Variants in CEP70 observed in about 807,000 individuals in gnomAD.
The protein encoded by CEP70 is centrosomal protein 70, also known as centrosomal protein of 70 kDa.
Under a neutral mutation model 90.9 loss-of-function variants are expected in CEP70, and 70 were observed. That is an observed-to-expected ratio of 0.77 (90% CI 0.64 to 0.94). The LOEUF is 0.94. CEP70 is among the 40% of genes least tolerant of loss of function. CEP70 has a pLI of 0.00. For synonymous variants in CEP70, 220 were observed against 228.3 expected, an observed-to-expected ratio of 0.96 and a Z score of 0.33; for missense variants, 648 against 669.0, an observed-to-expected ratio of 0.97 and a Z score of 0.35.
intron 6 of CEP70, among the ~76,000 whole-genome samples, chr3:138,558,756 C>T (rs2040199107): frequency 6.6e-6 from 1 of 152,174 alleles, no homozygotes; most frequent in African/African-American, 2.4e-5. Flanking sequence ...TAGATCTCAA[C>T]TTATTTCTAC....
intron 6 of CEP70, among the ~76,000 whole-genome samples, chr3:138,567,275 T>C (rs2040858466): frequency 6.6e-6 from 1 of 152,204 alleles, no homozygotes; most frequent in Non-Finnish European, 1.5e-5. Flanking sequence ...TAAACCATTC[T>C]AAAATTGGAA....
intron 11 of CEP70, among the ~76,000 whole-genome samples, chr3:138,518,867 G>C (rs1432805743): frequency 6.6e-6 from 1 of 152,108 alleles, no homozygotes; most frequent in East Asian, 1.9e-4. Context: ...GAAGACTTCA[G>C]AAGATCAAAC....
intron 6 of CEP70, among the ~76,000 whole-genome samples, chr3:138,541,038 T>C (rs1247973032): frequency 6.6e-6 from 1 of 152,092 alleles, no homozygotes; most frequent in African/African-American, 2.4e-5. Context: ...GGGAGCTAAA[T>C]GATGAGAACT....
At chr3:138,572,057 C>T (rs183131827) in intron 3 of CEP70, among the ~76,000 whole-genome samples, 2 of 102,696 alleles carry the variant, frequency 1.9e-5, no homozygotes, top group East Asian at 1.0e-3. Context: ...AGATTACAGG[C>T]GTGAGCCACC....
chr3:138,547,293 A>G (rs2039284566), intron 6 of CEP70, among the ~76,000 whole-genome samples: 1 of 152,192 alleles, frequency 6.6e-6, no homozygotes, highest in South Asian at 2.1e-4. Context: ...ACATTCCAGG[A>G]TCCTCAGTGG....
chr3:138,531,917 T>G (rs544569643), intron 8 of CEP70, among the ~76,000 whole-genome samples: 1 of 152,272 alleles, frequency 6.6e-6, no homozygotes, highest in African/African-American at 2.4e-5. Context: ...CAAATAAATA[T>G]TTGTTAAAAG....
chr3:138,556,692 G>A (rs982537491), intron 6 of CEP70, among the ~76,000 whole-genome samples: 3 of 151,998 alleles, frequency 2.0e-5, no homozygotes, highest in African/African-American at 7.3e-5. Context: ...ACATCACGTC[G>A]GTAGGTTCCG....
intron 11 of CEP70, among the ~76,000 whole-genome samples, chr3:138,522,272 G>A: frequency 7.1e-6 from 1 of 140,620 alleles, no homozygotes; most frequent in Non-Finnish European, 1.5e-5. Flanking sequence ...ACCCAAGAAT[G>A]ATCAATAAAT....
rs778739424 is a variant in CEP70 at position 138,494,987 on chromosome 3, T to C, written c.*28A>G. ...AATACAAAATGTTAAGAATACAATT[T>C]ACACAGTAAAAATGATTTGATTTGT... On this transcript the variant is annotated 3_prime_UTR_variant, in exon 18 of 18. Coordinates refer to ENST00000264982, the MANE Select transcript of CEP70 (RefSeq NM_024491.4). 1.7e-6 allele frequency: 2 copies of C among 1,187,908 alleles called. No homozygotes were observed. The highest frequency in any genetic ancestry group is 2.5e-6 in the Non-Finnish European group (2 of 806,730). 73.6% of individuals were successfully genotyped at this position (1,187,908 alleles called of 1,614,324 possible). A position where few individuals can be genotyped will look rare whatever the true frequency, so the allele number is the denominator to read the frequency against.
chr3:138,497,558 GTA>G, intron 17 of CEP70: 1 of 959,946 alleles, frequency 1.0e-6, no homozygotes, highest in Non-Finnish European at 1.2e-6. Context: ...CTGACCCTCA[GTA>G]TAAGTGTAAT....
chr3:138,498,628 C>T (rs1372963206), intron 16 of CEP70, among the ~76,000 whole-genome samples: 2 of 151,984 alleles, frequency 1.3e-5, no homozygotes, highest in Non-Finnish European at 2.9e-5. Context: ...GCTACCACGC[C>T]CAGCCAATAT....
intron 6 of CEP70, among the ~76,000 whole-genome samples, chr3:138,566,405 G>A (rs1225056566): frequency 1.3e-5 from 2 of 152,158 alleles, no homozygotes; most frequent in Non-Finnish European, 1.5e-5. Flanking sequence ...ATTCATGACA[G>A]CAAAAACTTG....
At chr3:138,530,527 A>T (rs930034945) in intron 8 of CEP70, 1 of 952,830 alleles carries the variant, frequency 1.0e-6, no homozygotes, top group African/African-American at 1.8e-5. Flanking sequence ...ACAACAAAAA[A>T]CTTCGGACAA....
intron 2 of CEP70, among the ~76,000 whole-genome samples, chr3:138,587,620 C>CAAAAAA (rs5852917): frequency 7.3e-6 from 1 of 137,428 alleles, no homozygotes; most frequent in Non-Finnish European, 1.5e-5. Context: ...CCCATCTCTA[C>CAAAAAA]AAAAAAAAGA....
At chr3:138,553,231 G>C (rs2039749873) in intron 6 of CEP70, among the ~76,000 whole-genome samples, 2 of 152,014 alleles carry the variant, frequency 1.3e-5, no homozygotes, top group African/African-American at 4.8e-5. Flanking sequence ...TGTAATCCTA[G>C]CACTTTGGGA....
At chr3:138,537,407 A>T in intron 6 of CEP70, 60 bp from the exon 7 acceptor site, 1 of 1,162,754 alleles carries the variant, frequency 8.6e-7, no homozygotes, top group Non-Finnish European at 1.2e-6. Flanking sequence ...TGCTATCCTA[A>T]CAGTATTGTA....
In CEP70 at chr3:138,503,510, A is replaced by G. The variant is rs76568535; in HGVS notation, c.1221+1785T>C. Among the ~76,000 whole-genome samples the G allele has an allele frequency of 5.3e-5, 8 of 152,334 alleles. 1 individual carries two copies. In the East Asian group the frequency reaches 1.5e-3, roughly 29 times the overall value. On this transcript the variant is annotated intron_variant, in intron 13 of 17. Transcript: ENST00000264982. ...TTGTCCCAAACTTAGAGGTTGCTAC[A>G]TATCAAATAACCTTTGATATGAGGC...
chr3:138,512,173 G>A (rs1357996865), intron 11 of CEP70, among the ~76,000 whole-genome samples: 3 of 152,174 alleles, frequency 2.0e-5, no homozygotes, highest in Non-Finnish European at 1.5e-5. Context: ...AGGTTAAAAT[G>A]GGCAAAGGAG....
intron 6 of CEP70, among the ~76,000 whole-genome samples, chr3:138,547,084 AG>A (rs2039267028): frequency 6.6e-6 from 1 of 152,262 alleles, no homozygotes; most frequent in Admixed American, 6.5e-5. Flanking sequence ...TGGCTACTCT[AG>A]TACCATGGGT....
Sources: allele counts gnomAD v4.1 joint callset (sites outside exome capture counted in the v4.1 genomes callset), GRCh38; gene constraint gnomAD v4.1.1; transcripts MANE v1.5; gene names NCBI Gene and HGNC (gene_info 2026-07-23, HGNC 2026-07-21).